Variants in GNG7 observed in about 807,000 individuals in gnomAD.
GNG7 encodes guanine nucleotide-binding protein G(I)/G(S)/G(O) subunit gamma-7.
GNG7 carries 1 observed loss-of-function variant against 4.0 expected under a neutral mutation model. That is an observed-to-expected ratio of 0.25 (90% CI 0.09 to 1.18). GNG7 has a LOEUF of 1.18. GNG7 is among the 50% of genes most tolerant of loss of function. The pLI is 0.50. For missense variants in GNG7, 86 were observed against 91.9 expected, an observed-to-expected ratio of 0.94 and a Z score of 0.26; for synonymous variants, 34 against 36.9, an observed-to-expected ratio of 0.92 and a Z score of 0.29.
chr19:2,558,964 A>C (rs1023025659), intron 2 of GNG7, among the ~76,000 whole-genome samples: 13 of 151,300 alleles, frequency 8.6e-5, no homozygotes, highest in Non-Finnish European at 1.9e-4. Context: ...ACTCTTGGCT[A>C]ATTTTTGTAT....
intron 1 of GNG7, among the ~76,000 whole-genome samples, chr19:2,659,712 G>T (rs1329922473): frequency 7.0e-6 from 1 of 142,496 alleles, no homozygotes; most frequent in Admixed American, 7.2e-5. Flanking sequence ...GGGAGGGAGA[G>T]AGGAAGGGAA....
intron 2 of GNG7, among the ~76,000 whole-genome samples, chr19:2,636,301 C>T (rs1402308096): frequency 6.6e-6 from 1 of 152,102 alleles, no homozygotes; most frequent in Non-Finnish European, 1.5e-5. Context: ...AACTCACAGG[C>T]GAGGATCCAG....
At chr19:2,516,157 C>T (rs1023834766) in intron 4 of GNG7, among the ~76,000 whole-genome samples, 1 of 151,950 alleles carries the variant, frequency 6.6e-6, no homozygotes, top group South Asian at 2.1e-4. Context: ...GTTAAGGCTG[C>T]AGTGAGTCAA....
chr19:2,632,033 G>A (rs920119530), intron 2 of GNG7: 1 of 152,182 alleles, frequency 6.6e-6, no homozygotes, highest in Admixed American at 6.5e-5. Flanking sequence ...ATCCCGTGAC[G>A]GCCTGTTCTG....
rs1262941670 is a variant in GNG7, at chr19:2,609,669, G to A, written c.-78+36555C>T. Among the ~76,000 whole-genome samples, 1 of 152,142 alleles carries A rather than the reference G, an allele frequency of 6.6e-6. No homozygotes were observed. The highest frequency in any genetic ancestry group is 1.5e-5 in the Non-Finnish European group (1 of 68,040). On this transcript the variant is annotated intron_variant, in intron 2 of 4. Coordinates refer to ENST00000382159, the MANE Select transcript of GNG7 (RefSeq NM_052847.3). This position sits in a 1 kb window ranked among gnomAD's most constrained non-coding sequence, Gnocchi z 4.4. ...TTCCAGCCTCCAGAACCAAGAGAGA[G>A]AAGAAATCTCTGTTGCTAAAGCCCT... is the stretch of plus-strand genomic sequence containing the variant.
intron 1 of GNG7, among the ~76,000 whole-genome samples, chr19:2,693,277 A>G (rs755652281): frequency 6.6e-6 from 1 of 151,774 alleles, no homozygotes; most frequent in Non-Finnish European, 1.5e-5. Flanking sequence ...TTAGCTGGGC[A>G]TAGTGATCTC....
intron 2 of GNG7, among the ~76,000 whole-genome samples, chr19:2,630,380 G>C (rs1982127810): frequency 6.6e-6 from 1 of 152,180 alleles, no homozygotes; most frequent in Non-Finnish European, 1.5e-5. Context: ...GGATTTTGAA[G>C]AGGTAAATAA....
At chr19:2,563,383 T>C (rs1033098649) in intron 2 of GNG7, among the ~76,000 whole-genome samples, 1 of 152,242 alleles carries the variant, frequency 6.6e-6, no homozygotes, top group Non-Finnish European at 1.5e-5. Context: ...ACCCACTCCA[T>C]GCTGGGAGCA....
chr19:2,605,762 T>C (rs1258980934), intron 2 of GNG7, among the ~76,000 whole-genome samples: 2 of 152,022 alleles, frequency 1.3e-5, no homozygotes, highest in Non-Finnish European at 2.9e-5. Context: ...TCTGCCCGCC[T>C]TGGCCTCCCA....
At chr19:2,630,187 G>T (rs1257354062) in intron 2 of GNG7, among the ~76,000 whole-genome samples, 1 of 152,042 alleles carries the variant, frequency 6.6e-6, no homozygotes, top group Non-Finnish European at 1.5e-5. Flanking sequence ...GGGAGTGAAG[G>T]TCCTGCTGAT....
Position 2,633,478 on chromosome 19 carries a change from C to T in GNG7, c.-78+12746G>A, listed in dbSNP as rs1035360981. ...GCGGTTGCTTAGCAACAGGCGCGCG[C>T]GCGCGCGCGCACACACACACACACA... On this transcript the variant is annotated intron_variant, in intron 2 of 4. Coordinates refer to ENST00000382159, the MANE Select transcript of GNG7 (RefSeq NM_052847.3). The surrounding 1 kb of genome is among the most constrained non-coding windows in gnomAD (Gnocchi z 5.9). Among the ~76,000 whole-genome samples the T allele has an allele frequency of 3.9e-5, 3 of 76,674 alleles. No homozygotes were observed. Among genetic ancestry groups the T allele is most frequent in the Middle Eastern group, 7.7e-3 (1 of 130 alleles). The allele number at this position is 76,674 out of a possible 152,430, so 50.3% of individuals were successfully genotyped here. A position where few individuals can be genotyped will look rare whatever the true frequency, so the allele number is the denominator to read the frequency against.
chr19:2,633,487 G>GCACGCA lies in GNG7; in HGVS notation c.-78+12736_-78+12737insTGCGTG, dbSNP rs1982221765. On this transcript the variant is annotated intron_variant, in intron 2 of 4. Coordinates refer to ENST00000382159, the MANE Select transcript of GNG7 (RefSeq NM_052847.3). The surrounding 1 kb of genome is among the most constrained non-coding windows in gnomAD (Gnocchi z 5.9). ...TAGCAACAGGCGCGCGCGCGCGCGC[G>GCACGCA]CACACACACACACACACACACACAC... Among the ~76,000 whole-genome samples, 1 of 103,776 alleles carries GCACGCA rather than the reference G, an allele frequency of 9.6e-6. No individual in the cohort carries two copies. Among genetic ancestry groups the GCACGCA allele is most frequent in the Non-Finnish European group, 2.0e-5 (1 of 49,686 alleles). 68.1% of individuals were successfully genotyped at this position (103,776 alleles called of 152,430 possible). A position where few individuals can be genotyped will look rare whatever the true frequency, so the allele number is the denominator to read the frequency against.
At chr19:2,548,277 G>A (rs188274448) in intron 3 of GNG7, among the ~76,000 whole-genome samples, 4 of 151,952 alleles carry the variant, frequency 2.6e-5, no homozygotes, top group Admixed American at 6.6e-5. Flanking sequence ...TCAGGAGTTC[G>A]AGACCAGCCT....
intron 1 of GNG7, among the ~76,000 whole-genome samples, chr19:2,658,300 T>C (rs1983048816): frequency 6.6e-6 from 1 of 152,142 alleles, no homozygotes. Context: ...AAAAAGTAAG[T>C]ATTTTATGCT....
intron 1 of GNG7, among the ~76,000 whole-genome samples, chr19:2,685,239 A>G (rs971088427): frequency 6.6e-6 from 1 of 152,096 alleles, no homozygotes; most frequent in Non-Finnish European, 1.5e-5. Flanking sequence ...GGAAGATGAG[A>G]AAGTTCTGGA....
At chr19:2,541,130 T>A (rs568479367) in intron 3 of GNG7, among the ~76,000 whole-genome samples, 136 of 152,158 alleles carry the variant, frequency 8.9e-4, no homozygotes, top group Non-Finnish European at 1.7e-3. Flanking sequence ...CTACCGAGGG[T>A]TCCTCCATCG....
chr19:2,601,977 A>T (rs2144812649), intron 2 of GNG7, among the ~76,000 whole-genome samples: 1 of 152,082 alleles, frequency 6.6e-6, no homozygotes, highest in Non-Finnish European at 1.5e-5. Context: ...ATCCCAGATG[A>T]TCCTTCCAGA....
At chr19:2,568,098 CTT>C (rs1381476301) in intron 2 of GNG7, among the ~76,000 whole-genome samples, 2 of 148,670 alleles carry the variant, frequency 1.3e-5, no homozygotes, top group Non-Finnish European at 1.5e-5. Context: ...CACACACACA[CTT>C]ACACACATGC....
At chr19:2,599,665 G>A (rs888647280) in intron 2 of GNG7, among the ~76,000 whole-genome samples, 3 of 152,174 alleles carry the variant, frequency 2.0e-5, no homozygotes, top group African/African-American at 2.4e-5. Flanking sequence ...GGCCGGGCGC[G>A]GTGGCTCACG....
Sources: allele counts gnomAD v4.1 joint callset (sites outside exome capture counted in the v4.1 genomes callset), GRCh38; gene constraint gnomAD v4.1.1; non-coding constraint Gnocchi (gnomAD v3.1); transcripts MANE v1.5; gene names NCBI Gene and HGNC (gene_info 2026-07-23, HGNC 2026-07-21).